The following BCAS3 variants were observed in gnomAD, a reference collection of about 807,000 sequenced individuals.
BCAS3 encodes BCAS4/BCAS3 fusion.
Under a neutral mutation model 116.1 loss-of-function variants are expected in BCAS3, and 53 were observed. The ratio of observed to expected loss-of-function variants is 0.46; its 90% CI spans 0.37 to 0.57. The LOEUF (loss-of-function observed/expected upper bound fraction) is 0.57. Among genes scored for constraint, BCAS3 ranks in the 20% least tolerant of loss-of-function variants. BCAS3 has a pLI of 0.00. For missense variants in BCAS3, 917 were observed against 1,165.4 expected (o/e 0.79, Z 3.10); for synonymous variants, 391 against 408.2 (o/e 0.96, Z 0.51).
rs888776154 is a variant in BCAS3, at chr17:61,367,978, T to G, written c.2426-349T>G. On this transcript the variant is annotated intron_variant, in intron 22 of 23. Transcript: ENST00000407086. This position sits in a 1 kb window ranked among gnomAD's most constrained non-coding sequence, Gnocchi z 6.2. Reference sequence around the variant, plus strand: ...AAATTGTAGATGGAATCCCATTGTATCAAAAAGAGGAAAGTAGGGATCCGT... The same window carrying G: ...AAATTGTAGATGGAATCCCATTGTAGCAAAAAGAGGAAAGTAGGGATCCGT... 1.1e-5 allele frequency: 2 copies of G among 181,160 alleles called. No individual in the cohort carries two copies. The highest frequency in any genetic ancestry group is 4.7e-5 in the African/African-American group (2 of 42,598). 11.2% of individuals were successfully genotyped at this position (181,160 alleles called of 1,614,324 possible).
chr17:60,863,044 A>T (rs927600093), intron 7 of BCAS3, among the ~76,000 whole-genome samples: 4 of 152,186 alleles, frequency 2.6e-5, no homozygotes, highest in African/African-American at 9.6e-5. Flanking sequence ...TCCTTGACAC[A>T]TAGTTTTTGC....
Position 61,333,486 on chromosome 17 carries a change from G to A in BCAS3, c.2426-34841G>A, listed in dbSNP as rs762963439. 1.3e-5 allele frequency among the ~76,000 whole-genome samples: 2 copies of A among 152,060 alleles called. No homozygotes were observed. The highest frequency in any genetic ancestry group is 2.9e-5 in the Non-Finnish European group (2 of 68,006). On this transcript the variant is annotated intron_variant, in intron 22 of 23. Coordinates refer to ENST00000407086, the MANE Select transcript of BCAS3 (RefSeq NM_017679.5). This position sits in a 1 kb window ranked among gnomAD's most constrained non-coding sequence, Gnocchi z 4.8. ...CCCTCCTGTCCACTCACATTGTGGC[G>A]CCCCCGACCCTTGCCAATCCCGTGC...
chr17:60,738,903 G>C lies in BCAS3; in HGVS notation c.322-8295G>C, dbSNP rs113508758. 2.4e-3 allele frequency among the ~76,000 whole-genome samples: 364 copies of C among 151,948 alleles called. 1 individual carries two copies. The highest frequency in any genetic ancestry group is 8.3e-3 in the African/African-American group (342 of 41,440). ...TCCATGTAGCAAGCCATCATGACTG[G>C]CAAATTTTATTTTTTTTAATTGTTG... On this transcript the variant is annotated intron_variant, in intron 5 of 23. Coordinates refer to ENST00000407086, the MANE Select transcript of BCAS3 (RefSeq NM_017679.5).
At chr17:60,764,540 A>C (rs1402354129) in intron 6 of BCAS3, among the ~76,000 whole-genome samples, 2 of 152,020 alleles carry the variant, frequency 1.3e-5, no homozygotes, top group African/African-American at 4.8e-5. Context: ...TTCTAATTGG[A>C]TTGTACTGTG....
At position 61,139,265 on chromosome 17, in the gene BCAS3, A is replaced by G. The variant is rs16944871; in HGVS notation, c.2425+54701A>G. ...CTAAAAAGTTGGAGGACTTAAAAAG[A>G]AAGTGTGAAGATTTTTTTTTCTTCA... On this transcript the variant is annotated intron_variant, in intron 22 of 23. Transcript: ENST00000407086. This position sits in a 1 kb window ranked among gnomAD's most constrained non-coding sequence, Gnocchi z 4.7. Among the ~76,000 whole-genome samples the G allele has an allele frequency of 0.096, 14,608 of 152,272 alleles. 2,284 individuals carry two copies. Among genetic ancestry groups the G allele is most frequent in the African/African-American group, 0.33 (13,660 of 41,492 alleles).
intron 12 of BCAS3, among the ~76,000 whole-genome samples, chr17:60,921,592 G>A (rs894725662): frequency 3.8e-5 from 5 of 130,242 alleles, no homozygotes; most frequent in Non-Finnish European, 6.3e-5. Flanking sequence ...CAGCCTGGGC[G>A]ACAGAGCGAG....
chr17:61,258,814 C>T lies in BCAS3; in HGVS notation c.2426-109513C>T, dbSNP rs1481846911. Among the ~76,000 whole-genome samples the T allele has an allele frequency of 6.6e-6, 1 of 152,238 alleles. No individual in the cohort carries two copies. The highest frequency in any genetic ancestry group is 1.5e-5 in the Non-Finnish European group (1 of 68,042). ...CCACAGAACACTAGCTAAATATTGA[C>T]AACTGACTATGCCGTCTTATTCCAG... On this transcript the variant is annotated intron_variant, in intron 22 of 23. Transcript: ENST00000407086. This position sits in a 1 kb window ranked among gnomAD's most constrained non-coding sequence, Gnocchi z 4.7.
chr17:61,238,132 A>G (rs531477425), intron 22 of BCAS3, among the ~76,000 whole-genome samples: 3 of 152,258 alleles, frequency 2.0e-5, no homozygotes, highest in African/African-American at 7.2e-5. Context: ...GGCTCACTGC[A>G]AACTCCACCT....
rs112846146 is a variant in BCAS3 at position 61,118,874 on chromosome 17, GT to G, written c.2425+34320del. On this transcript the variant is annotated intron_variant, in intron 22 of 23. Transcript: ENST00000407086. This position sits in a 1 kb window ranked among gnomAD's most constrained non-coding sequence, Gnocchi z 5.0. Reference sequence around the variant, plus strand: ...TAGATATTGTTTTTTGCCTAATCTGGTTTTTTTTTTGTTTCTTATTGCATAC... The same window carrying G: ...TAGATATTGTTTTTTGCCTAATCTGGTTTTTTTTTGTTTCTTATTGCATAC... Among the ~76,000 whole-genome samples, 311 of 148,222 alleles carry G rather than the reference GT, an allele frequency of 2.1e-3. 1 individual carries two copies. The highest frequency in any genetic ancestry group is 6.3e-3 in the African/African-American group (256 of 40,498).
chr17:61,172,256 C>G (rs1601711929), intron 22 of BCAS3, among the ~76,000 whole-genome samples: 2 of 152,320 alleles, frequency 1.3e-5, no homozygotes, highest in South Asian at 4.1e-4. Context: ...CCAACTTAAT[C>G]TAGTTGACAT....
rs2076162695 is a variant in BCAS3 at position 61,128,524 on chromosome 17, C to G, written c.2425+43960C>G. On this transcript the variant is annotated intron_variant, in intron 22 of 23. Coordinates refer to ENST00000407086, the MANE Select transcript of BCAS3 (RefSeq NM_017679.5). This position sits in a 1 kb window ranked among gnomAD's most constrained non-coding sequence, Gnocchi z 4.1. ...AGCAATGGACAAACCTTCCGTTCTT[C>G]TCTATCCCAAATCGTTTGAATCGTT... 1.0e-6 allele frequency: 1 copy of G among 985,270 alleles called. No individual in the cohort carries two copies. The highest frequency in any genetic ancestry group is 6.1e-5 in the Admixed American group (1 of 16,266). 61.0% of individuals were successfully genotyped at this position (985,270 alleles called of 1,614,324 possible).
intron 22 of BCAS3, among the ~76,000 whole-genome samples, chr17:61,357,885 T>G (rs903431817): frequency 1.1e-4 from 16 of 151,936 alleles, no homozygotes; most frequent in Non-Finnish European, 2.4e-4. Context: ...GGTCAAGAGT[T>G]CCAGACCCGC....
chr17:60,681,799 G>A (rs111426789), intron 2 of BCAS3, among the ~76,000 whole-genome samples: 7,065 of 151,994 alleles, frequency 0.046, 585 homozygotes, highest in African/African-American at 0.16. Flanking sequence ...GCACGATCTC[G>A]GCTCACCGCA....
At chr17:61,264,950 G>C (rs1263114137) in intron 22 of BCAS3, among the ~76,000 whole-genome samples, 2 of 152,234 alleles carry the variant, frequency 1.3e-5, no homozygotes, top group Non-Finnish European at 2.9e-5. Context: ...AAGTATGATA[G>C]AGAGAAATTG....
chr17:60,900,066 AG>A, intron 10 of BCAS3: 1 of 152,566 alleles, frequency 6.6e-6, no homozygotes, highest in Non-Finnish European at 1.5e-5. Context: ...TTGCCTAAGG[AG>A]GGGTGAACCA....
intron 19 of BCAS3, among the ~76,000 whole-genome samples, chr17:61,043,021 A>G (rs1600706306): frequency 1.3e-5 from 2 of 151,736 alleles, no homozygotes; most frequent in Admixed American, 1.3e-4. Flanking sequence ...TTAATGCTGT[A>G]TTACAGAGAA....
In BCAS3 at chr17:61,321,067, A is replaced by G. The variant is rs917539349; in HGVS notation, c.2426-47260A>G. ...CCATAACATCCAGCTAAGAAATAATAAAGCTGAGACTAGAACTCATGTCTT... is the reference window on the plus strand; with the variant it reads ...CCATAACATCCAGCTAAGAAATAATGAAGCTGAGACTAGAACTCATGTCTT... On this transcript the variant is annotated intron_variant, in intron 22 of 23. Transcript: ENST00000407086. 5.9e-5 allele frequency among the ~76,000 whole-genome samples: 9 copies of G among 152,242 alleles called. No individual in the cohort carries two copies. The South Asian group carries it at 1.0e-3, about 17-fold the overall frequency.
intron 4 of BCAS3, among the ~76,000 whole-genome samples, chr17:60,708,379 G>GCCAGGGCCTTACTCTGTCAC (rs1382831378): frequency 1.3e-5 from 2 of 149,360 alleles, no homozygotes; most frequent in African/African-American, 4.9e-5. Context: ...TATTTTTAGA[G>GCCAGGGCCTTACTCTGTCAC]CCAGGGCCTT....
rs56192555 is a variant in BCAS3 at position 61,157,754 on chromosome 17, T to A, written c.2425+73190T>A. Among the ~76,000 whole-genome samples, 152 of 152,342 alleles carry A rather than the reference T, an allele frequency of 1.0e-3. 2 individuals are homozygous for A. Among genetic ancestry groups the A allele is most frequent in the African/African-American group, 3.6e-3 (149 of 41,586 alleles). On this transcript the variant is annotated intron_variant, in intron 22 of 23. Transcript: ENST00000407086. ...TCAGCAAGCTGCAAACTCTATTGAA[T>A]GGAAAGTATTATCGCTGGCCACAAA...
Sources: allele counts gnomAD v4.1 joint callset (sites outside exome capture counted in the v4.1 genomes callset), GRCh38; gene constraint gnomAD v4.1.1; non-coding constraint Gnocchi (gnomAD v3.1); transcripts MANE v1.5; gene names NCBI Gene and HGNC (gene_info 2026-07-23, HGNC 2026-07-21).